CDKAL1: variants seen among roughly 807,000 people sequenced by gnomAD.
CDKAL1 encodes the protein threonylcarbamoyladenosine tRNA methylthiotransferase.
CDKAL1 carries 32 observed loss-of-function variants against 68.2 expected under a neutral mutation model. The ratio of observed to expected loss-of-function variants is 0.47; its 90% CI spans 0.35 to 0.63. The LOEUF is 0.63. Ranked by LOEUF, CDKAL1 falls within the 30% of genes least tolerant of loss-of-function variation. The probability of loss-of-function intolerance (pLI) is 0.00; values close to 1 mark genes in which losing one functional copy is unlikely to be tolerated. For synonymous variants in CDKAL1, 234 were observed against 244.3 expected (o/e 0.96, Z 0.39); for missense variants, 606 against 696.7 (o/e 0.87, Z 1.47).
rs187837556 is a variant in CDKAL1 at position 21,000,655 on chromosome 6, G to C, written c.1055+283G>C. ...TGTGATTATTTTTATACCTGACCTG[G>C]TGGATGAAAACTGCTTTAGCTTTGC... On this transcript the variant is annotated intron_variant, in intron 11 of 15. Coordinates refer to ENST00000274695, the MANE Select transcript of CDKAL1 (RefSeq NM_017774.3). Among the ~76,000 whole-genome samples the C allele has an allele frequency of 9.2e-5, 14 of 152,260 alleles. No homozygotes were observed. The Middle Eastern group carries it at 0.01, about 111-fold the overall frequency.
At chr6:21,154,329 C>T (rs1452254413) in intron 13 of CDKAL1, among the ~76,000 whole-genome samples, 1 of 152,108 alleles carries the variant, frequency 6.6e-6, no homozygotes, top group African/African-American at 2.4e-5. Context: ...CAAAGTTGGC[C>T]CAGTACCCCT....
intron 5 of CDKAL1, among the ~76,000 whole-genome samples, chr6:20,725,473 C>T (rs1285953762): frequency 6.6e-6 from 1 of 152,134 alleles, no homozygotes; most frequent in Non-Finnish European, 1.5e-5. Context: ...ATCTGACTTT[C>T]CTTTGGTTCT....
Position 20,984,947 on chromosome 6 carries a change from T to C in CDKAL1, c.910-15280T>C, listed in dbSNP as rs73379531. On this transcript the variant is annotated intron_variant, in intron 10 of 15. Coordinates refer to ENST00000274695, the MANE Select transcript of CDKAL1 (RefSeq NM_017774.3). ...CCCTCACCAGGGACCTGCCCTTTTC[T>C]ACCCAGAATTTCCCTGCCTCCCCTC... Among the ~76,000 whole-genome samples the C allele has an allele frequency of 1.2e-3, 183 of 152,252 alleles. 1 individual carries two copies. The highest frequency in any genetic ancestry group is 3.9e-3 in the African/African-American group (164 of 41,550).
chr6:20,956,800 C>T (rs1167225603), intron 10 of CDKAL1, among the ~76,000 whole-genome samples: 1 of 151,984 alleles, frequency 6.6e-6, no homozygotes, highest in Non-Finnish European at 1.5e-5. Flanking sequence ...ATTATAAATA[C>T]ATAATGAGGG....
intron 13 of CDKAL1, among the ~76,000 whole-genome samples, chr6:21,152,538 G>A (rs1288308854): frequency 6.6e-6 from 1 of 152,224 alleles, no homozygotes; most frequent in Non-Finnish European, 1.5e-5. Flanking sequence ...CATTCGTCCA[G>A]TCAAATTCAG....
intron 10 of CDKAL1, among the ~76,000 whole-genome samples, chr6:20,987,759 GC>G (rs907276237): frequency 2.0e-4 from 31 of 152,034 alleles, no homozygotes; most frequent in African/African-American, 6.8e-4. Flanking sequence ...TCCACTTACT[GC>G]TCTTGACTAT....
chr6:20,639,732 G>A (rs1318597095), intron 4 of CDKAL1, among the ~76,000 whole-genome samples: 1 of 152,172 alleles, frequency 6.6e-6, no homozygotes, highest in African/African-American at 2.4e-5. Flanking sequence ...GTGCCGTGGT[G>A]CGATCTCGGC....
At chr6:21,054,720 A>T (rs1388531972) in intron 11 of CDKAL1, among the ~76,000 whole-genome samples, 1 of 152,090 alleles carries the variant, frequency 6.6e-6, no homozygotes, top group Non-Finnish European at 1.5e-5. Flanking sequence ...AGTAGTTTTT[A>T]TGCTATTGTG....
intron 11 of CDKAL1, among the ~76,000 whole-genome samples, chr6:21,041,092 A>C (rs1178834835): frequency 6.6e-6 from 1 of 152,208 alleles, no homozygotes; most frequent in Non-Finnish European, 1.5e-5. Context: ...CTATATATGC[A>C]TACCTTTTTC....
chr6:21,160,561 G>T (rs1306615925), intron 13 of CDKAL1, among the ~76,000 whole-genome samples: 3 of 148,194 alleles, frequency 2.0e-5, no homozygotes, highest in African/African-American at 7.4e-5. Context: ...CTCCCAAAGT[G>T]CTGGGATTAC....
intron 8 of CDKAL1, among the ~76,000 whole-genome samples, chr6:20,831,791 G>GCTCATGAGGCACCCAC (rs1482038550): frequency 6.6e-6 from 1 of 152,168 alleles, no homozygotes; most frequent in Non-Finnish European, 1.5e-5. Flanking sequence ...TTTCCGGTCA[G>GCTCATGAGGCACCCAC]CTCATGAGGC....
At chr6:20,627,791 A>G (rs1267418834) in intron 4 of CDKAL1, among the ~76,000 whole-genome samples, 1 of 152,244 alleles carries the variant, frequency 6.6e-6, no homozygotes, top group African/African-American at 2.4e-5. Flanking sequence ...TAGCATGTAG[A>G]TCCTGTGTAT....
intron 8 of CDKAL1, among the ~76,000 whole-genome samples, chr6:20,841,663 C>T (rs1414390079): frequency 6.6e-6 from 1 of 152,184 alleles, no homozygotes; most frequent in African/African-American, 2.4e-5. Flanking sequence ...CATCCCAACC[C>T]TTTGGGAGGC....
At chr6:20,719,828 C>T (rs535737445) in intron 5 of CDKAL1, among the ~76,000 whole-genome samples, 1 of 152,336 alleles carries the variant, frequency 6.6e-6, no homozygotes, top group South Asian at 2.1e-4. Context: ...TAACCACTCT[C>T]CTGACTTTTA....
intron 8 of CDKAL1, among the ~76,000 whole-genome samples, chr6:20,836,428 G>A (rs1777949265): frequency 6.6e-6 from 1 of 152,176 alleles, no homozygotes; most frequent in Non-Finnish European, 1.5e-5. Context: ...GAAAAGAATA[G>A]AATCTGGGAA....
intron 4 of CDKAL1, among the ~76,000 whole-genome samples, chr6:20,570,333 A>AC (rs1235853764): frequency 1.3e-5 from 2 of 151,388 alleles, no homozygotes; most frequent in African/African-American, 4.9e-5. Flanking sequence ...CTATCTCTTG[A>AC]CCCCATGATC....
chr6:20,756,834 TCCTTTCTTCCTTCCTTCTCC>T (rs1774196811), intron 6 of CDKAL1: 2 of 147,724 alleles, frequency 1.4e-5, no homozygotes, highest in African/African-American at 5.1e-5. Flanking sequence ...CTTCCTTCCT[TCCTTTCTTCCTTCCTTCTCC>T]CCTTCCTTCC....
At chr6:20,619,965 C>T (rs1202753815) in intron 4 of CDKAL1, among the ~76,000 whole-genome samples, 1 of 152,218 alleles carries the variant, frequency 6.6e-6, no homozygotes, top group Admixed American at 6.5e-5. Context: ...TCACACCTCT[C>T]TTCTTTGACT....
At chr6:20,647,967 C>T (rs1261445972) in intron 4 of CDKAL1, among the ~76,000 whole-genome samples, 3 of 148,666 alleles carry the variant, frequency 2.0e-5, no homozygotes, top group African/African-American at 7.5e-5. Flanking sequence ...CCCAGCTACT[C>T]AGGAGGCTGA....
Sources: allele counts gnomAD v4.1 joint callset (sites outside exome capture counted in the v4.1 genomes callset), GRCh38; gene constraint gnomAD v4.1.1; transcripts MANE v1.5; gene names NCBI Gene and HGNC (gene_info 2026-07-23, HGNC 2026-07-21).